Variants in FBXW4 observed in about 807,000 individuals in gnomAD.
The protein encoded by FBXW4 is F-box/WD repeat-containing protein 4.
Under a neutral mutation model 61.8 loss-of-function variants are expected in FBXW4, and 40 were observed. The ratio of observed to expected loss-of-function variants is 0.65; its 90% confidence interval spans 0.50 to 0.84. The LOEUF (loss-of-function observed/expected upper bound fraction) is 0.84, where lower values mean the gene tolerates loss of function less well. Ranked by LOEUF, FBXW4 falls within the 40% of genes least tolerant of loss-of-function variation. The pLI is 0.00. For synonymous variants in FBXW4, 311 were observed against 313.8 expected (o/e 0.99, Z 0.10); for missense variants, 672 against 753.8 (o/e 0.89, Z 1.27).
chr10:101,632,502 C>T (rs2063967311), intron 5 of FBXW4, among the ~76,000 whole-genome samples: 1 of 152,072 alleles, frequency 6.6e-6, no homozygotes, highest in South Asian at 2.1e-4. Flanking sequence ...GAGCCTAGCC[C>T]AGGCTAGACA....
intron 4 of FBXW4, among the ~76,000 whole-genome samples, chr10:101,670,221 A>G (rs2064346729): frequency 6.6e-6 from 1 of 152,270 alleles, no homozygotes; most frequent in African/African-American, 2.4e-5. Context: ...TATTCCCTGC[A>G]GCATGCAATT....
intron 5 of FBXW4, among the ~76,000 whole-genome samples, chr10:101,628,811 TAA>T (rs1055298620): frequency 6.6e-6 from 1 of 152,198 alleles, no homozygotes; most frequent in Non-Finnish European, 1.5e-5. Flanking sequence ...CTAGAGGGTC[TAA>T]AAGTCATTTT....
chr10:101,619,824 G>T (rs113778589), intron 6 of FBXW4, among the ~76,000 whole-genome samples: 1 of 152,190 alleles, frequency 6.6e-6, no homozygotes, highest in African/African-American at 2.4e-5. Context: ...GTCTCTAGTG[G>T]TCTTGATGGA....
intron 5 of FBXW4, among the ~76,000 whole-genome samples, chr10:101,651,187 T>TC (rs1473724213): frequency 6.6e-6 from 1 of 151,826 alleles, no homozygotes; most frequent in African/African-American, 2.4e-5. Flanking sequence ...ACCTGGTCCT[T>TC]CCCCCCAGGC....
chr10:101,644,521 C>T (rs1035105944), intron 5 of FBXW4, among the ~76,000 whole-genome samples: 7 of 152,156 alleles, frequency 4.6e-5, no homozygotes, highest in Admixed American at 4.6e-4. Context: ...CAGCCATGGG[C>T]CAAGGGAGGT....
rs1201936997 is a variant in FBXW4 at position 101,687,379 on chromosome 10, T to C, written c.725+7002A>G. On this transcript the variant is annotated intron_variant, in intron 1 of 8. Coordinates refer to ENST00000331272, the MANE Select transcript of FBXW4 (RefSeq NM_022039.4). ...TTCCAACCCACACAGCCAGTGAGCA[T>C]AAGACTTCTCTTTCTCTACTTTCTT... is the stretch of plus-strand genomic sequence containing the variant. Among the ~76,000 whole-genome samples, 6 of 152,168 alleles carry C rather than the reference T, an allele frequency of 3.9e-5. No individual in the cohort carries two copies. The South Asian group carries it at 6.2e-4, about 16-fold the overall frequency.
At chr10:101,683,351 C>G (rs2064499403) in intron 1 of FBXW4, among the ~76,000 whole-genome samples, 1 of 152,250 alleles carries the variant, frequency 6.6e-6, no homozygotes, top group Non-Finnish European at 1.5e-5. Flanking sequence ...ATTTTCCCAG[C>G]CCTCCTTCTC....
At chr10:101,654,982 C>A (rs1383111849) in intron 5 of FBXW4, among the ~76,000 whole-genome samples, 2 of 152,144 alleles carry the variant, frequency 1.3e-5, no homozygotes, top group Non-Finnish European at 2.9e-5. Context: ...TGTCACCATG[C>A]CTGGCTAATT....
Position 101,694,597 on chromosome 10 carries a change from G to GCCGCCT in FBXW4, c.503_508dup (p.Glu168_Ala169dup), listed in dbSNP as rs2064654354. On this transcript the variant is annotated inframe_insertion, in exon 1 of 9. Coordinates refer to ENST00000331272, the MANE Select transcript of FBXW4 (RefSeq NM_022039.4). This position sits in a 1 kb window ranked among gnomAD's most constrained non-coding sequence, Gnocchi z 6.0. ...GGCCGGGCGGGCAGCCGACTCCCGA[G>GCCGCCT]CCGCCTCCTCCTCCTCCTCCTCCTC... 1.4e-6 allele frequency: 2 copies of GCCGCCT among 1,451,178 alleles called. No homozygotes were observed. Among genetic ancestry groups the GCCGCCT allele is most frequent in the African/African-American group, 1.5e-5 (1 of 67,322 alleles). The allele number at this position is 1,451,178 out of a possible 1,614,324, so 89.9% of individuals were successfully genotyped here.
Position 101,694,428 on chromosome 10 carries a change from T to A in FBXW4, c.678A>T (p.Ile226=). 6.5e-7 allele frequency: 1 copy of A among 1,527,842 alleles called. No individual in the cohort carries two copies. 94.6% of individuals were successfully genotyped at this position (1,527,842 alleles called of 1,614,324 possible). The part of the protein sequence containing the change: ...FTSCDLLWRR[I]ARASLNSGFT... ...AGCCGGAGTTGAGCGAGGCCCGGGC[T>A]ATCCGGCGCCAGAGCAGATCGCAGC... The change falls in exon 1 of 9, where the codon ATA becomes ATT. Residue 226 remains isoleucine, a synonymous_variant. Coordinates refer to ENST00000331272, the MANE Select transcript of FBXW4 (RefSeq NM_022039.4). The surrounding 1 kb of genome is among the most constrained non-coding windows in gnomAD (Gnocchi z 6.0).
At chr10:101,669,054 T>C (rs987867303) in intron 4 of FBXW4, among the ~76,000 whole-genome samples, 2 of 152,212 alleles carry the variant, frequency 1.3e-5, no homozygotes, top group African/African-American at 4.8e-5. Flanking sequence ...TGGTCCTGCC[T>C]TCTTAAGAGT....
At chr10:101,655,807 G>A (rs1264650002) in intron 5 of FBXW4, among the ~76,000 whole-genome samples, 1 of 152,246 alleles carries the variant, frequency 6.6e-6, no homozygotes, top group Non-Finnish European at 1.5e-5. Flanking sequence ...CTGGGATGAG[G>A]AGCATGTGCT....
intron 1 of FBXW4, among the ~76,000 whole-genome samples, chr10:101,693,973 A>G (rs2134930836): frequency 6.6e-6 from 1 of 152,258 alleles, no homozygotes; most frequent in Middle Eastern, 3.4e-3. Flanking sequence ...TTTATGATAG[A>G]CCACTTAAGG....
At chr10:101,626,983 C>A (rs1417317375) in intron 5 of FBXW4, 1 of 151,660 alleles carries the variant, frequency 6.6e-6, no homozygotes, top group African/African-American at 2.4e-5. Context: ...GGCCCACCCA[C>A]ATCTGGCCCT....
chr10:101,675,701 C>A lies in FBXW4; in HGVS notation c.821+640G>T, dbSNP rs1042820219. 2.4e-4 allele frequency among the ~76,000 whole-genome samples: 37 copies of A among 152,206 alleles called. 1 individual carries two copies. Among genetic ancestry groups the A allele is most frequent in the Non-Finnish European group, 5.3e-4 (36 of 68,022 alleles). On this transcript the variant is annotated intron_variant, in intron 2 of 8. Transcript: ENST00000331272. ...ATGTTCCCTATCCACTGCAACCAAT[C>A]AACAAGGAGCAATTTTTTGGTAGAG...
chr10:101,688,408 C>T (rs1173279496), intron 1 of FBXW4, among the ~76,000 whole-genome samples: 2 of 152,170 alleles, frequency 1.3e-5, no homozygotes, highest in Non-Finnish European at 2.9e-5. Flanking sequence ...GCGGCAGGCA[C>T]AGGGGCCCAT....
rs544753047 is a variant in FBXW4, at chr10:101,652,553, C to T, written c.1235+15333G>A. Among the ~76,000 whole-genome samples the T allele has an allele frequency of 2.6e-5, 4 of 151,362 alleles. No homozygotes were observed. The East Asian group carries it at 5.8e-4, about 22-fold the overall frequency. Reference sequence around the variant, plus strand: ...CTCAAGAAGAAAAAAATAATAATAACGACAGGGTAGAACAATAGAAAACAC... The same window carrying T: ...CTCAAGAAGAAAAAAATAATAATAATGACAGGGTAGAACAATAGAAAACAC... On this transcript the variant is annotated intron_variant, in intron 5 of 8. Coordinates refer to ENST00000331272, the MANE Select transcript of FBXW4 (RefSeq NM_022039.4).
intron 1 of FBXW4, among the ~76,000 whole-genome samples, chr10:101,685,347 G>C (rs909633435): frequency 1.3e-4 from 20 of 152,146 alleles, no homozygotes; most frequent in African/African-American, 4.8e-4. Context: ...GCTTCTAAAA[G>C]TGGCTCTCAA....
At chr10:101,634,005 C>T (rs1258619810) in intron 5 of FBXW4, among the ~76,000 whole-genome samples, 2 of 152,030 alleles carry the variant, frequency 1.3e-5, no homozygotes, top group South Asian at 2.1e-4. Flanking sequence ...CTCAGCTACT[C>T]AGGAGGCTGA....
Sources: gnomAD v4.1 joint callset for allele counts (sites outside exome capture counted in the v4.1 genomes callset) on GRCh38, gnomAD v4.1.1 for gene constraint, Gnocchi (gnomAD v3.1) non-coding constraint, MANE v1.5 for transcripts, NCBI Gene and HGNC (gene_info 2026-07-23, HGNC 2026-07-21) for gene names.